Variants in USHBP1 observed in about 807,000 individuals in gnomAD.
USHBP1 encodes the protein harmonin-binding protein USHBP1.
USHBP1 carries 67 observed loss-of-function variants against 76.2 expected under a neutral mutation model. The observed-to-expected ratio is 0.88, with a 90% confidence interval of 0.72 to 1.08. USHBP1 has a LOEUF of 1.08. Ranked by LOEUF, USHBP1 falls within the 50% of genes least tolerant of loss-of-function variation. The pLI, the probability that USHBP1 is intolerant of heterozygous loss-of-function variation, is 0.00. For missense variants in USHBP1, 931 were observed against 915.0 expected (o/e 1.02, Z -0.23); for synonymous variants, 322 against 362.2 (o/e 0.89, Z 1.26).
Position 17,259,270 on chromosome 19 carries a change from A to G in USHBP1, c.1046+19T>C. The G allele has an allele frequency of 6.3e-7, 1 of 1,581,262 alleles. No homozygotes were observed. Among genetic ancestry groups the G allele is most frequent in the Non-Finnish European group, 8.6e-7 (1 of 1,161,478 alleles). ...CACTCCCTCCCCAGCTGGTGACATC[A>G]CTGGCAGGGTGCACTGACCTGTACT... On this transcript the variant is annotated intron_variant, in intron 7 of 12. Coordinates refer to ENST00000252597, the MANE Select transcript of USHBP1 (RefSeq NM_031941.4).
chr19:17,258,148 C>A, intron 8 of USHBP1, 64 bp downstream of exon 8: 2 of 1,600,044 alleles, frequency 1.2e-6, no homozygotes, highest in South Asian at 1.1e-5. Context: ...GCTCTGGGAG[C>A]CCCATCCCCC....
intron 4 of USHBP1, among the ~76,000 whole-genome samples, 170 bp from the exon 5 acceptor site, chr19:17,260,192 C>T (rs557124426): frequency 6.6e-6 from 1 of 152,342 alleles, no homozygotes; most frequent in South Asian, 2.1e-4. Flanking sequence ...TGTTTCTCAG[C>T]TGCTGAGGAT....
At chr19:17,255,004 C>T (rs550895225) in intron 10 of USHBP1, among the ~76,000 whole-genome samples, 12 of 152,068 alleles carry the variant, frequency 7.9e-5, no homozygotes, top group Admixed American at 2.0e-4. Context: ...AGGACAGGTG[C>T]GGCGACTCAT....
rs1478581771 is a variant in USHBP1 at position 17,250,337 on chromosome 19, A to G, written c.2000T>C (p.Leu667Pro). Residue 667 changes from leucine (L) to proline (P), a missense_variant, in exon 13 of 13, where the codon CTC (leucine) becomes CCC (proline). Physicochemically the swap from Leu to Pro is moderately conservative, Grantham distance 98. Coordinates refer to ENST00000252597, the MANE Select transcript of USHBP1 (RefSeq NM_031941.4). ...CTCCTCGGCCTGCTGAGCCTCCATG[A>G]GTGCCATCTGCTGCTCCAACTTCCG... ...QRRKLEQQMA[L>P]MEAQQAEEVA... 2 of 1,613,714 alleles carry G rather than the reference A, an allele frequency of 1.2e-6. No individual in the cohort carries two copies. The highest frequency in any genetic ancestry group is 2.2e-5 in the South Asian group (2 of 91,074).
chr19:17,250,470 G>T lies in USHBP1; in HGVS notation c.1923-56C>A, dbSNP rs1239929068. 3.2e-6 allele frequency: 5 copies of T among 1,577,376 alleles called. No individual in the cohort carries two copies. The East Asian group carries it at 1.1e-4, about 35-fold the overall frequency. Reference sequence around the variant, plus strand: ...CAGCCCCCGAGTCCACCCAAGGCAAGGGCCGTGTACTCCCACTCCCAGAAT... The same window carrying T: ...CAGCCCCCGAGTCCACCCAAGGCAATGGCCGTGTACTCCCACTCCCAGAAT... On this transcript the variant is annotated intron_variant, in intron 12 of 12. Coordinates refer to ENST00000252597, the MANE Select transcript of USHBP1 (RefSeq NM_031941.4).
At chr19:17,250,526 T>G in intron 12 of USHBP1, 112 bp from the exon 13 acceptor site, 2 of 1,244,574 alleles carry the variant, frequency 1.6e-6, no homozygotes, top group Non-Finnish European at 2.2e-6. Flanking sequence ...TCTCCAAGGG[T>G]CCCAGCTAGC....
chr19:17,264,251 G>A lies in USHBP1; in HGVS notation c.49C>T (p.Pro17Ser). Reference sequence around the variant, plus strand: ...GGGGAGAGGGTGACACTTACGGGTGGAGCATGCCTCCCTCGCCGGCTTCGG... The same window carrying A: ...GGGGAGAGGGTGACACTTACGGGTGAAGCATGCCTCCCTCGCCGGCTTCGG... ...RPRSRRGRHAPPGELDPVAES... is the reference protein window; with the variant it reads ...RPRSRRGRHASPGELDPVAES... Residue 17 changes from proline to serine, a missense_variant, in exon 2 of 13, where the codon CCA becomes TCA. Transcript: ENST00000252597. The A allele has an allele frequency of 6.2e-7, 1 of 1,613,896 alleles. No individual in the cohort carries two copies. The highest frequency in any genetic ancestry group is 8.5e-7 in the Non-Finnish European group (1 of 1,179,924).
chr19:17,250,522 A>G, intron 12 of USHBP1, 108 bp from the exon 13 acceptor site: 2 of 1,284,860 alleles, frequency 1.6e-6, no homozygotes, highest in Non-Finnish European at 2.1e-6. Flanking sequence ...TGGGTCTCCA[A>G]GGGTCCCAGC....
chr19:17,256,280 T>C (rs1025634577), intron 9 of USHBP1, among the ~76,000 whole-genome samples, 191 bp downstream of exon 9: 1 of 152,076 alleles, frequency 6.6e-6, no homozygotes, highest in Non-Finnish European at 1.5e-5. Flanking sequence ...GCCAGATTTG[T>C]AGTCTAATGA....
At position 17,255,299 on chromosome 19, in the gene USHBP1, AAC is replaced by A; in HGVS notation, c.1692+84_1692+85del. 45 of 1,385,840 alleles carry A rather than the reference AAC, an allele frequency of 3.2e-5. 1 individual carries two copies. The Middle Eastern group carries it at 1.3e-3, about 41-fold the overall frequency. The allele number at this position is 1,385,840 out of a possible 1,614,324, so 85.8% of individuals were successfully genotyped here. On this transcript the variant is annotated intron_variant, in intron 10 of 12. Transcript: ENST00000252597. ...AAGAGCCAAACTCCGTCTCAAAAAA[AAC>A]AAAAAAAAAAAGGCTGTGATTGACA...
At chr19:17,260,975 C>G (rs1599476890) in intron 4 of USHBP1, among the ~76,000 whole-genome samples, 1 of 152,182 alleles carries the variant, frequency 6.6e-6, no homozygotes, top group African/African-American at 2.4e-5. Context: ...CCTCCACCAT[C>G]GTGCATGTCT....
intron 3 of USHBP1, 161 bp from the exon 4 acceptor site, chr19:17,263,151 C>A: frequency 6.4e-6 from 4 of 628,272 alleles, no homozygotes; most frequent in Non-Finnish European, 7.2e-6. Flanking sequence ...GATTCTCCTG[C>A]CTCGGTCCCC....
At chr19:17,253,369 A>G (rs1599466495) in intron 10 of USHBP1, among the ~76,000 whole-genome samples, 1 of 147,026 alleles carries the variant, frequency 6.8e-6, no homozygotes, top group Admixed American at 6.8e-5. Flanking sequence ...GCTCACTGCA[A>G]CCTCCACCCC....
chr19:17,256,842 CT>C, intron 8 of USHBP1, 122 bp from the exon 9 acceptor site: 5 of 1,412,956 alleles, frequency 3.5e-6, no homozygotes, highest in Non-Finnish European at 4.8e-6. Context: ...TCTATGCCAT[CT>C]TTGGTGGTCC....
Position 17,264,311 on chromosome 19 carries a change from A to T in USHBP1, c.-12T>A, listed in dbSNP as rs2073727687. 1.9e-6 allele frequency: 3 copies of T among 1,608,994 alleles called. No individual in the cohort carries two copies. The highest frequency in any genetic ancestry group is 2.5e-6 in the Non-Finnish European group (3 of 1,178,424). On this transcript the variant is annotated 5_prime_UTR_variant, in exon 2 of 13. Transcript: ENST00000252597. ...GCCCGGGCACTCATTGCTGTCCAGA[A>T]GCCAGTGCCCTCTGAATGCTTCTCC...
chr19:17,257,802 A>G (rs2073638585), intron 8 of USHBP1, among the ~76,000 whole-genome samples: 1 of 152,030 alleles, frequency 6.6e-6, no homozygotes, highest in African/African-American at 2.4e-5. Context: ...GCACACCACC[A>G]TGCCCAGCTA....
Position 17,259,209 on chromosome 19 carries a change from G to A in USHBP1, c.1046+80C>T, listed in dbSNP as rs139805266. ...TGAAGTGGGGAAGGTGCTCTCCAGT[G>A]AGGGTTCTGTGGATTGGGGCCATCC... On this transcript the variant is annotated intron_variant, in intron 7 of 12. Coordinates refer to ENST00000252597, the MANE Select transcript of USHBP1 (RefSeq NM_031941.4). 7.8e-3 allele frequency: 11,785 copies of A among 1,515,028 alleles called. 58 individuals carry two copies. Among genetic ancestry groups the A allele is most frequent in the Middle Eastern group, 9.7e-3 (46 of 4,734 alleles). The allele number at this position is 1,515,028 out of a possible 1,614,324, so 93.8% of individuals were successfully genotyped here. A position where few individuals can be genotyped will look rare whatever the true frequency, so the allele number is the denominator to read the frequency against.
rs1196400760 is a variant in USHBP1, at chr19:17,262,705, C to T, written c.489G>A (p.Gln163=). 1 of 1,614,228 alleles carries T rather than the reference C, an allele frequency of 6.2e-7. No individual in the cohort carries two copies. The highest frequency in any genetic ancestry group is 8.5e-7 in the Non-Finnish European group (1 of 1,180,036). The stretch of plus-strand genomic sequence containing the variant: ...CTCGCTGGCAGCTCCCTGCCCCTTC[C>T]TGCTTCCCAAGGGAACCTGCTCCCC... ...SEGGAGSLGK[Q]EGAGSCQREA... The change falls in exon 4 of 13, where the codon CAG becomes CAA. Residue 163 remains glutamine, a synonymous_variant. Coordinates refer to ENST00000252597, the MANE Select transcript of USHBP1 (RefSeq NM_031941.4).
chr19:17,254,773 A>T (rs1236218290), intron 10 of USHBP1, among the ~76,000 whole-genome samples: 1 of 151,816 alleles, frequency 6.6e-6, no homozygotes, highest in African/African-American at 2.4e-5. Context: ...CACCTCAGCC[A>T]CCCGAGTAGC....
Sources: gnomAD v4.1 joint callset for allele counts (sites outside exome capture counted in the v4.1 genomes callset) on GRCh38, gnomAD v4.1.1 for gene constraint, MANE v1.5 for transcripts, NCBI Gene and HGNC (gene_info 2026-07-23, HGNC 2026-07-21) for gene names.